Variants in KCNH1 observed in about 807,000 individuals in gnomAD.
The protein encoded by KCNH1 is potassium voltage-gated channel subfamily H member 1, also known as voltage-gated delayed rectifier potassium channel KCNH1.
Under a neutral mutation model 69.2 loss-of-function variants are expected in KCNH1, and 27 were observed. That is an observed-to-expected ratio of 0.39 (90% CI 0.29 to 0.54). KCNH1 has a LOEUF of 0.54. Among genes scored for constraint, KCNH1 ranks in the 20% least tolerant of loss-of-function variants. KCNH1 has a pLI of 0.68. For missense variants in KCNH1, 798 were observed against 1,261.6 expected (o/e 0.63, Z 5.57); for synonymous variants, 456 against 487.7 (o/e 0.93, Z 0.86).
chr1:210,914,765 C>T (rs1687301187), intron 7 of KCNH1, among the ~76,000 whole-genome samples: 1 of 151,238 alleles, frequency 6.6e-6, no homozygotes, highest in Admixed American at 6.6e-5. Flanking sequence ...AGCTGACGCT[C>T]AGCTAGAGTT....
At chr1:210,783,551 C>T (rs1189969602) in intron 9 of KCNH1, among the ~76,000 whole-genome samples, 1 of 152,128 alleles carries the variant, frequency 6.6e-6, no homozygotes, top group Admixed American at 6.5e-5. Flanking sequence ...GGGATGTGTG[C>T]AATTTCAGAT....
chr1:211,103,962 G>A (rs943458193), intron 2 of KCNH1, among the ~76,000 whole-genome samples: 1 of 152,180 alleles, frequency 6.6e-6, no homozygotes, highest in Non-Finnish European at 1.5e-5. Flanking sequence ...CCAGAAGTAA[G>A]GACAGATTAG....
intron 5 of KCNH1, among the ~76,000 whole-genome samples, chr1:211,076,794 G>A (rs564471175): frequency 5.9e-5 from 9 of 152,242 alleles, no homozygotes; most frequent in Non-Finnish European, 1.0e-4. Flanking sequence ...TCAGAAGGTC[G>A]GTAATAACAA....
At chr1:210,915,842 C>T (rs1376491571) in intron 7 of KCNH1, among the ~76,000 whole-genome samples, 8 of 152,056 alleles carry the variant, frequency 5.3e-5, no homozygotes, top group Admixed American at 2.0e-4. Flanking sequence ...ACAGAAAGCT[C>T]GGATAATCTA....
intron 1 of KCNH1, among the ~76,000 whole-genome samples, chr1:211,110,304 C>G (rs1201096768): frequency 6.6e-6 from 1 of 151,986 alleles, no homozygotes; most frequent in Non-Finnish European, 1.5e-5. Context: ...AAAAATAGCT[C>G]CAAATGTAGA....
intron 5 of KCNH1, among the ~76,000 whole-genome samples, chr1:211,077,884 T>A (rs1690766752): frequency 1.3e-5 from 2 of 150,044 alleles, no homozygotes; most frequent in Admixed American, 1.3e-4. Context: ...CAGAGACACA[T>A]ATAGGCTCAA....
At chr1:211,053,687 A>C (rs2102442947) in intron 5 of KCNH1, among the ~76,000 whole-genome samples, 2 of 152,288 alleles carry the variant, frequency 1.3e-5, no homozygotes, top group East Asian at 3.9e-4. Flanking sequence ...TCTTACAGAA[A>C]AGTTGGCCTG....
intron 7 of KCNH1, among the ~76,000 whole-genome samples, chr1:210,899,462 T>A (rs1686946366): frequency 6.7e-6 from 1 of 149,664 alleles, no homozygotes; most frequent in Non-Finnish European, 1.5e-5. Context: ...TAAAACAATA[T>A]GTATTGAGAT....
intron 10 of KCNH1, among the ~76,000 whole-genome samples, chr1:210,774,730 G>A (rs1161725485): frequency 6.6e-6 from 1 of 152,156 alleles, no homozygotes; most frequent in African/African-American, 2.4e-5. Flanking sequence ...AGATGGAGGA[G>A]TTCTGATGAT....
chr1:211,133,220 C>G lies in KCNH1; in HGVS notation c.79+647G>C, dbSNP rs1244408580. ...CATTTAGTTCGCTCTGCACCTGTGC[C>G]CTCCACTTCCCACCTGACGCCAGGA... On this transcript the variant is annotated intron_variant, in intron 1 of 10. Coordinates refer to ENST00000271751, the MANE Select transcript of KCNH1 (RefSeq NM_172362.3). This position sits in a 1 kb window ranked among gnomAD's most constrained non-coding sequence, Gnocchi z 5.4. 4.6e-5 allele frequency: 7 copies of G among 152,284 alleles called. No homozygotes were observed. Among genetic ancestry groups the G allele is most frequent in the Non-Finnish European group, 1.0e-4 (7 of 68,150 alleles). The allele number at this position is 152,284 out of a possible 1,614,324, so 9.4% of individuals were successfully genotyped here. A position where few individuals can be genotyped will look rare whatever the true frequency, so the allele number is the denominator to read the frequency against.
intron 6 of KCNH1, among the ~76,000 whole-genome samples, chr1:210,938,096 A>G (rs1388559169): frequency 6.6e-6 from 1 of 152,210 alleles, no homozygotes; most frequent in Admixed American, 6.5e-5. Context: ...TCTAACCTTC[A>G]GTCTATCTCC....
chr1:210,865,112 C>T (rs1686078112), intron 7 of KCNH1, among the ~76,000 whole-genome samples: 1 of 152,136 alleles, frequency 6.6e-6, no homozygotes, highest in Admixed American at 6.5e-5. Flanking sequence ...GTATCAAAGG[C>T]AAATTTTTAG....
rs546811038 is a variant in KCNH1 at position 211,005,071 on chromosome 1, A to G, written c.1032+13712T>C. 3.9e-5 allele frequency among the ~76,000 whole-genome samples: 6 copies of G among 152,262 alleles called. No homozygotes were observed. The South Asian group carries it at 1.2e-3, about 32-fold the overall frequency. On this transcript the variant is annotated intron_variant, in intron 6 of 10. Coordinates refer to ENST00000271751, the MANE Select transcript of KCNH1 (RefSeq NM_172362.3). ...ATGAAGATGAGCAAATATAATCAAT[A>G]TGAGGAATGAAAAAAAGAAAACAGC...
intron 10 of KCNH1, among the ~76,000 whole-genome samples, chr1:210,728,038 T>C (rs1682648494): frequency 6.6e-6 from 1 of 152,220 alleles, no homozygotes; most frequent in South Asian, 2.1e-4. Context: ...CAATTGATAC[T>C]TGTTAAAATG....
At position 210,967,230 on chromosome 1, in the gene KCNH1, G is replaced by A. The variant is rs140744878; in HGVS notation, c.1033-47161C>T. ...GGAGGAATACATAATGTAGATCATG[G>A]GCTGATGGGTGCAGCAAGCCACCAT... On this transcript the variant is annotated intron_variant, in intron 6 of 10. Transcript: ENST00000271751. Among the ~76,000 whole-genome samples, 313 of 152,174 alleles carry A rather than the reference G, an allele frequency of 2.1e-3. 2 individuals carry two copies. Among genetic ancestry groups the A allele is most frequent in the African/African-American group, 7.4e-3 (308 of 41,544 alleles).
At chr1:210,903,055 T>C (rs1574328379) in intron 7 of KCNH1, among the ~76,000 whole-genome samples, 2 of 152,188 alleles carry the variant, frequency 1.3e-5, no homozygotes, top group South Asian at 4.1e-4. Context: ...TGTGAATGCA[T>C]TTCATTCTCC....
intron 5 of KCNH1, among the ~76,000 whole-genome samples, chr1:211,041,544 C>A (rs941916129): frequency 2.0e-5 from 3 of 152,326 alleles, no homozygotes; most frequent in Non-Finnish European, 4.4e-5. Context: ...TCTCTACTTT[C>A]ATTCTTGCCC....
intron 1 of KCNH1, among the ~76,000 whole-genome samples, chr1:211,132,279 G>A (rs1691889657): frequency 6.6e-6 from 1 of 152,162 alleles, no homozygotes; most frequent in Admixed American, 6.5e-5. Context: ...AGCAATAATA[G>A]CACAGTAACT....
intron 9 of KCNH1, among the ~76,000 whole-genome samples, chr1:210,781,260 G>A (rs1683977005): frequency 1.3e-5 from 2 of 152,120 alleles, no homozygotes; most frequent in African/African-American, 4.8e-5. Context: ...TGTTGAGTGA[G>A]TAGCTGTTTA....
Sources: gnomAD v4.1 joint callset for allele counts (sites outside exome capture counted in the v4.1 genomes callset) on GRCh38, gnomAD v4.1.1 for gene constraint, Gnocchi (gnomAD v3.1) non-coding constraint, MANE v1.5 for transcripts, NCBI Gene and HGNC (gene_info 2026-07-23, HGNC 2026-07-21) for gene names.